LPP: variants seen among roughly 807,000 people sequenced by gnomAD.
LPP encodes LIM domain containing preferred translocation partner in lipoma, also known as lipoma-preferred partner.
In LPP, 38 loss-of-function variants were observed where a neutral mutation model predicts 60.4. That is an observed-to-expected ratio of 0.63 (90% CI 0.49 to 0.83). LPP has a LOEUF of 0.83. Ranked by LOEUF, LPP falls within the 40% of genes least tolerant of loss-of-function variation. LPP has a pLI of 0.00. For missense variants in LPP, 902 were observed against 783.6 expected (o/e 1.15, Z -1.80); for synonymous variants, 328 against 290.8 (o/e 1.13, Z -1.30).
At chr3:188,798,228 G>A (rs1042273575) in intron 9 of LPP, among the ~76,000 whole-genome samples, 1 of 152,142 alleles carries the variant, frequency 6.6e-6, no homozygotes, top group Non-Finnish European at 1.5e-5. Flanking sequence ...TATATAATAG[G>A]GGAGAAAATA....
chr3:188,552,613 T>C (rs1402214742), intron 6 of LPP, among the ~76,000 whole-genome samples: 1 of 152,166 alleles, frequency 6.6e-6, no homozygotes, highest in Non-Finnish European at 1.5e-5. Context: ...TCATAGTCAT[T>C]ACCTTTCCCA....
chr3:188,383,518 A>G (rs1007961344), intron 3 of LPP, among the ~76,000 whole-genome samples: 2 of 152,198 alleles, frequency 1.3e-5, no homozygotes, highest in African/African-American at 2.4e-5. Context: ...ATGTCTTTGC[A>G]GTTTCTTCAG....
At chr3:188,605,846 G>A (rs761427884) in intron 6 of LPP, among the ~76,000 whole-genome samples, 4 of 152,066 alleles carry the variant, frequency 2.6e-5, no homozygotes, top group Non-Finnish European at 5.9e-5. Context: ...AAATTCCCAG[G>A]GACATTTGGT....
chr3:188,656,972 C>G (rs1165923552), intron 7 of LPP, among the ~76,000 whole-genome samples: 2 of 152,018 alleles, frequency 1.3e-5, no homozygotes, highest in Admixed American at 6.5e-5. Flanking sequence ...TCTAGCTAAC[C>G]ACTCATTCAG....
chr3:188,691,891 T>C (rs1378807281), intron 7 of LPP, among the ~76,000 whole-genome samples: 1 of 152,134 alleles, frequency 6.6e-6, no homozygotes, highest in African/African-American at 2.4e-5. Context: ...GTGCCTCATA[T>C]CCACTGAAAC....
chr3:188,837,719 C>T (rs1406200368), intron 9 of LPP, among the ~76,000 whole-genome samples: 3 of 152,028 alleles, frequency 2.0e-5, no homozygotes, highest in Non-Finnish European at 2.9e-5. Flanking sequence ...TCTTTTCCAC[C>T]TTTGAGATTA....
chr3:188,362,657 T>C (rs961164174), intron 3 of LPP, among the ~76,000 whole-genome samples: 6 of 152,224 alleles, frequency 3.9e-5, no homozygotes, highest in Admixed American at 3.9e-4. Context: ...AGGCTCTGAG[T>C]CATCGAGTTC....
rs1770909032 is a variant in LPP, at chr3:188,888,318, G to A, written c.*13839G>A. 8.8e-6 allele frequency: 2 copies of A among 227,548 alleles called. No homozygotes were observed. The highest frequency in any genetic ancestry group is 4.4e-5 in the African/African-American group (2 of 45,060). The allele number at this position is 227,548 out of a possible 1,614,324, so 14.1% of individuals were successfully genotyped here. A position where few individuals can be genotyped will look rare whatever the true frequency, so the allele number is the denominator to read the frequency against. On this transcript the variant is annotated 3_prime_UTR_variant, in exon 12 of 12. Coordinates refer to ENST00000617246, the MANE Select transcript of LPP (RefSeq NM_001375462.1). ...GAAGTAGATGTGGCGTGAAGATACA[G>A]AGCCTGAGGATAGTAATTTTCCCTG... is the stretch of plus-strand genomic sequence containing the variant.
intron 7 of LPP, among the ~76,000 whole-genome samples, chr3:188,685,015 T>C (rs56049205): frequency 0.26 from 40,211 of 152,112 alleles, 6,256 homozygotes; most frequent in African/African-American, 0.42. Flanking sequence ...GTTCCATGTG[T>C]TTTCTTAACC....
chr3:188,672,275 G>T (rs1206447464), intron 7 of LPP, among the ~76,000 whole-genome samples: 1 of 151,108 alleles, frequency 6.6e-6, no homozygotes, highest in Non-Finnish European at 1.5e-5. Flanking sequence ...TCAAATGTTT[G>T]TTATAAGACT....
chr3:188,844,066 A>G (rs1265590883), intron 9 of LPP, among the ~76,000 whole-genome samples: 1 of 152,182 alleles, frequency 6.6e-6, no homozygotes, highest in African/African-American at 2.4e-5. Context: ...GTTAATTTGC[A>G]AAGCTGATTA....
At chr3:188,396,288 A>C (rs1038767878) in intron 3 of LPP, among the ~76,000 whole-genome samples, 1 of 152,230 alleles carries the variant, frequency 6.6e-6, no homozygotes, top group African/African-American at 2.4e-5. Context: ...AATCTTCCTT[A>C]TTTTATTGAG....
chr3:188,827,599 C>G (rs1030831571), intron 9 of LPP, among the ~76,000 whole-genome samples: 1 of 152,108 alleles, frequency 6.6e-6, no homozygotes, highest in Non-Finnish European at 1.5e-5. Flanking sequence ...AGCTGGGCAA[C>G]ATTTCCACAA....
At chr3:188,794,927 G>T (rs2151069879) in intron 9 of LPP, among the ~76,000 whole-genome samples, 1 of 152,266 alleles carries the variant, frequency 6.6e-6, no homozygotes, top group East Asian at 1.9e-4. Flanking sequence ...CACGAGGTCA[G>T]GAGATCAAGA....
At chr3:188,330,361 A>G (rs953835674) in intron 2 of LPP, among the ~76,000 whole-genome samples, 8 of 152,142 alleles carry the variant, frequency 5.3e-5, no homozygotes, top group Non-Finnish European at 8.8e-5. Context: ...TTTCAAATGT[A>G]TTGTGCTTTC....
chr3:188,464,106 T>C (rs1383719208), intron 4 of LPP, among the ~76,000 whole-genome samples: 1 of 152,212 alleles, frequency 6.6e-6, no homozygotes, highest in African/African-American at 2.4e-5. Context: ...AAAGCAGGTA[T>C]GTGTTGAGGT....
intron 3 of LPP, among the ~76,000 whole-genome samples, chr3:188,364,625 G>C (rs968657272): frequency 6.6e-6 from 1 of 152,216 alleles, no homozygotes; most frequent in African/African-American, 2.4e-5. Flanking sequence ...AGACTTTCTG[G>C]AGGAGGAGGG....
chr3:188,203,304 TA>T (rs1731642298), intron 1 of LPP, among the ~76,000 whole-genome samples: 1 of 115,568 alleles, frequency 8.7e-6, no homozygotes, highest in Non-Finnish European at 1.6e-5. Context: ...TAAAATATAA[TA>T]AAAATATTTA....
chr3:188,429,121 AT>A (rs1315926025), intron 4 of LPP, among the ~76,000 whole-genome samples: 1 of 152,182 alleles, frequency 6.6e-6, no homozygotes, highest in African/African-American at 2.4e-5. Flanking sequence ...GCCTTTCATC[AT>A]TATATTGACA....
Sources: allele counts gnomAD v4.1 joint callset (sites outside exome capture counted in the v4.1 genomes callset), GRCh38; gene constraint gnomAD v4.1.1; transcripts MANE v1.5; gene names NCBI Gene and HGNC (gene_info 2026-07-23, HGNC 2026-07-21).